FBXO15: variants seen among roughly 807,000 people sequenced by gnomAD.
The protein encoded by FBXO15 is F-box only protein 15.
Under a neutral mutation model 49.5 loss-of-function variants are expected in FBXO15, and 30 were observed. That is an observed-to-expected ratio of 0.61 (90% CI 0.45 to 0.82). The LOEUF is 0.82. Ranked by LOEUF, FBXO15 falls within the 40% of genes least tolerant of loss-of-function variation. FBXO15 has a pLI of 0.00. For synonymous variants in FBXO15, 250 were observed against 232.7 expected (o/e 1.07, Z -0.68); for missense variants, 591 against 631.5 (o/e 0.94, Z 0.69).
intron 9 of FBXO15, among the ~76,000 whole-genome samples, chr18:74,079,208 T>C (rs1912385486): frequency 6.6e-6 from 1 of 151,976 alleles, no homozygotes; most frequent in South Asian, 2.1e-4. Flanking sequence ...CAAAAGAAAA[T>C]CCATCCATCT....
intron 3 of FBXO15, chr18:74,130,949 T>C (rs1457418887): frequency 3.4e-6 from 1 of 292,350 alleles, no homozygotes; most frequent in Non-Finnish European, 6.5e-6. Flanking sequence ...GACTGCCCTC[T>C]TATACCAGTA....
chr18:74,073,824 TGC>T, intron 9 of FBXO15, 94 bp from the exon 10 acceptor site: 1 of 1,447,824 alleles, frequency 6.9e-7, no homozygotes, highest in Admixed American at 2.2e-5. Flanking sequence ...CTAGAAATGC[TGC>T]GTGTGGCATC....
At chr18:74,103,180 T>C (rs998241448) in intron 8 of FBXO15, among the ~76,000 whole-genome samples, 1 of 151,944 alleles carries the variant, frequency 6.6e-6, no homozygotes, top group African/African-American at 2.4e-5. Context: ...GAAATAATTA[T>C]AAAAAGTCAA....
intron 8 of FBXO15, among the ~76,000 whole-genome samples, chr18:74,093,794 C>T (rs1014617977): frequency 2.6e-5 from 4 of 152,178 alleles, no homozygotes; most frequent in Non-Finnish European, 5.9e-5. Flanking sequence ...GATATTTTGA[C>T]CTCCTCCCTT....
intron 8 of FBXO15, among the ~76,000 whole-genome samples, chr18:74,084,630 T>TG (rs1912660512): frequency 1.3e-5 from 2 of 152,182 alleles, no homozygotes; most frequent in Admixed American, 6.5e-5. Flanking sequence ...ACTCTGTTCT[T>TG]GGAGACTCTA....
chr18:74,105,705 CAA>C (rs1568166452), intron 8 of FBXO15, among the ~76,000 whole-genome samples: 1 of 152,028 alleles, frequency 6.6e-6, no homozygotes, highest in East Asian at 1.9e-4. Context: ...CTCAGCCTCC[CAA>C]AGTGCTGGGA....
intron 8 of FBXO15, among the ~76,000 whole-genome samples, chr18:74,122,177 C>T (rs560607160): frequency 1.6e-4 from 24 of 152,348 alleles, no homozygotes; most frequent in African/African-American, 5.1e-4. Context: ...AGAATCCACT[C>T]CCTACACCTT....
At chr18:74,112,262 T>A (rs906628353) in intron 8 of FBXO15, among the ~76,000 whole-genome samples, 1 of 152,168 alleles carries the variant, frequency 6.6e-6, no homozygotes, top group Non-Finnish European at 1.5e-5. Context: ...GTATCTCTCA[T>A]GAATAAAGAT....
chr18:74,107,938 C>T (rs1913843205), intron 8 of FBXO15, among the ~76,000 whole-genome samples: 1 of 152,176 alleles, frequency 6.6e-6, no homozygotes, highest in African/African-American at 2.4e-5. Context: ...AGCCCCCTCT[C>T]TCTAGCCATT....
Position 74,135,878 on chromosome 18 carries a change from G to GAA in FBXO15, c.228-14_228-13dup. On this transcript the variant is annotated splice_polypyrimidine_tract_variant and intron_variant, in intron 2 of 9. Transcript: ENST00000419743. Reference sequence around the variant, plus strand: ...TTTCTGAAGGCATTCTGCAAAAACAGAAAAAGAAAAAAAAAATCACCAGAG... The same window carrying GAA: ...TTTCTGAAGGCATTCTGCAAAAACAGAAAAAAAGAAAAAAAAAATCACCAGAG... 1 of 1,578,186 alleles carries GAA rather than the reference G, an allele frequency of 6.3e-7. No homozygotes were observed. The highest frequency in any genetic ancestry group is 1.9e-5 in the Admixed American group (1 of 53,552).
At chr18:74,143,976 G>A (rs1319511740) in intron 1 of FBXO15, among the ~76,000 whole-genome samples, 1 of 152,206 alleles carries the variant, frequency 6.6e-6, no homozygotes, top group African/African-American at 2.4e-5. Context: ...CAGTTATACT[G>A]CATGGGTTTG....
At chr18:74,099,413 C>G (rs118157605) in intron 8 of FBXO15, 1 of 152,040 alleles carries the variant, frequency 6.6e-6, no homozygotes, top group African/African-American at 2.4e-5. Flanking sequence ...ACTACAAGAA[C>G]GGCCAAAAGG....
intron 8 of FBXO15, among the ~76,000 whole-genome samples, chr18:74,090,080 T>G (rs562950647): frequency 6.6e-6 from 1 of 152,204 alleles, no homozygotes; most frequent in Non-Finnish European, 1.5e-5. Context: ...TTTTTATTAC[T>G]GATTCAATTT....
Position 74,124,999 on chromosome 18 carries a change from G to A in FBXO15, c.913-428C>T, listed in dbSNP as rs774647160. ...CAAGTAACTGCTTGATTTGGCCAAC[G>A]TGGTGGGAATGATTAGATTCAACTT... On this transcript the variant is annotated intron_variant, in intron 6 of 9. Coordinates refer to ENST00000419743, the MANE Select transcript of FBXO15 (RefSeq NM_001142958.2). Among the ~76,000 whole-genome samples the A allele has an allele frequency of 1.4e-4, 21 of 152,134 alleles. 1 individual carries two copies. The highest frequency in any genetic ancestry group is 1.2e-3 in the Admixed American group (18 of 15,276).
chr18:74,079,558 G>T (rs1912399311), intron 9 of FBXO15, among the ~76,000 whole-genome samples: 1 of 152,072 alleles, frequency 6.6e-6, no homozygotes, highest in Non-Finnish European at 1.5e-5. Context: ...TTAAAATACA[G>T]CTCATTCATA....
At chr18:74,103,926 T>C (rs774190099) in intron 8 of FBXO15, among the ~76,000 whole-genome samples, 2 of 152,098 alleles carry the variant, frequency 1.3e-5, no homozygotes, top group South Asian at 2.1e-4. Flanking sequence ...AAAGAAAACA[T>C]TGGAAGATAG....
intron 8 of FBXO15, among the ~76,000 whole-genome samples, chr18:74,111,799 A>T (rs890147395): frequency 2.0e-5 from 3 of 152,208 alleles, no homozygotes; most frequent in African/African-American, 7.2e-5. Context: ...CTAGCAAGGT[A>T]AACTAAGAAA....
chr18:74,091,066 T>C (rs759683285), intron 8 of FBXO15, among the ~76,000 whole-genome samples: 1 of 152,220 alleles, frequency 6.6e-6, no homozygotes, highest in African/African-American at 2.4e-5. Flanking sequence ...TATATAAATC[T>C]GGGTGTTCCT....
intron 8 of FBXO15, among the ~76,000 whole-genome samples, chr18:74,111,397 A>C (rs1914028082): frequency 1.3e-5 from 2 of 152,158 alleles, no homozygotes; most frequent in Non-Finnish European, 2.9e-5. Flanking sequence ...AAAATTCCAA[A>C]GTACTTGGAG....
Sources: allele counts gnomAD v4.1 joint callset (sites outside exome capture counted in the v4.1 genomes callset), GRCh38; gene constraint gnomAD v4.1.1; transcripts MANE v1.5; gene names NCBI Gene and HGNC (gene_info 2026-07-23, HGNC 2026-07-21).